Variants in ARHGEF10 observed in about 807,000 individuals in gnomAD.
The protein encoded by ARHGEF10 is Rho guanine nucleotide exchange factor (GEF) 10.
A neutral mutation model predicts 147.4 loss-of-function variants in ARHGEF10; 140 were observed. The observed-to-expected ratio is 0.95, with a 90% confidence interval of 0.83 to 1.09. The LOEUF (loss-of-function observed/expected upper bound fraction) is 1.09. ARHGEF10 is among the 50% of genes least tolerant of loss of function. ARHGEF10 has a pLI of 0.00. For missense variants in ARHGEF10, 2,222 were observed against 1,752.7 expected (o/e 1.27, Z -4.78); for synonymous variants, 902 against 695.8 (o/e 1.30, Z -4.67).
At chr8:1,926,819 G>T in intron 23 of ARHGEF10, 1 of 330,346 alleles carries the variant, frequency 3.0e-6, no homozygotes, top group South Asian at 2.8e-5. Context: ...TTTTTCCAGT[G>T]GAAACTTAGC....
chr8:1,866,754 C>A, intron 6 of ARHGEF10, 152 bp downstream of exon 6: 1 of 840,134 alleles, frequency 1.2e-6, no homozygotes, highest in South Asian at 1.5e-5. Flanking sequence ...GCTGACTGTG[C>A]AGAAGTTTCC....
chr8:1,928,765 G>T, intron 24 of ARHGEF10, 115 bp downstream of exon 24: 1 of 1,186,816 alleles, frequency 8.4e-7, no homozygotes, highest in Non-Finnish European at 1.2e-6. Flanking sequence ...GCCCGTGCAG[G>T]AATTAGGGGA....
rs771268205 is a variant in ARHGEF10 at position 1,828,010 on chromosome 8, G to A, written c.-48+3897G>A. On this transcript the variant is annotated intron_variant, in intron 1 of 28. Coordinates refer to ENST00000349830, the MANE Select transcript of ARHGEF10 (RefSeq NM_014629.4). The stretch of plus-strand genomic sequence containing the variant: ...CTAGTTACCAATCTGGCCATTCTAG[G>A]TTCCAATATCTTAATGACCGTCAGT... Among the ~76,000 whole-genome samples, 3 of 152,296 alleles carry A rather than the reference G, an allele frequency of 2.0e-5. No individual in the cohort carries two copies. The South Asian group carries it at 6.2e-4, about 32-fold the overall frequency.
chr8:1,888,229 A>ATG (rs1808933011), intron 11 of ARHGEF10, among the ~76,000 whole-genome samples: 1 of 56,960 alleles, frequency 1.8e-5, no homozygotes, highest in African/African-American at 7.8e-5. Flanking sequence ...TTGCGAGGAG[A>ATG]CAGTGAGTGT....
chr8:1,828,542 T>TA (rs1268028343), intron 1 of ARHGEF10, among the ~76,000 whole-genome samples: 4 of 147,088 alleles, frequency 2.7e-5, no homozygotes, highest in African/African-American at 7.6e-5. Context: ...CATGCACACT[T>TA]ACTGTTTTAA....
rs980757097 is a variant in ARHGEF10, at chr8:1,939,570, A to G, written c.3222+5628A>G. Among the ~76,000 whole-genome samples, 81 of 152,246 alleles carry G rather than the reference A, an allele frequency of 5.3e-4. 1 individual carries two copies. Among genetic ancestry groups the G allele is most frequent in the African/African-American group, 1.8e-3 (74 of 41,480 alleles). On this transcript the variant is annotated intron_variant, in intron 26 of 28. Transcript: ENST00000349830. ...ACGGCAGCAGCAAAGCGTCAAGCCA[A>G]GCATGCGTCCCTGCAGGCACAGGGC...
At chr8:1,929,470 C>A (rs771971499) in intron 25 of ARHGEF10, 27 bp downstream of exon 25, 5 of 1,588,914 alleles carry the variant, frequency 3.1e-6, no homozygotes, top group Non-Finnish European at 4.3e-6. Context: ...GGCCTCCTGG[C>A]CGGTCCTTGG....
chr8:1,873,947 C>T (rs1354148986), intron 7 of ARHGEF10, among the ~76,000 whole-genome samples: 9 of 152,148 alleles, frequency 5.9e-5, no homozygotes, highest in East Asian at 1.9e-4. Context: ...TAGGTACGCT[C>T]ACTGTACAGC....
At chr8:1,844,047 C>T (rs543888306) in intron 2 of ARHGEF10, among the ~76,000 whole-genome samples, 32 of 152,232 alleles carry the variant, frequency 2.1e-4, no homozygotes, top group Admixed American at 6.5e-4. Context: ...CATGGCAGGT[C>T]GTCTGCAGGG....
intron 11 of ARHGEF10, among the ~76,000 whole-genome samples, chr8:1,887,743 T>TC (rs1406945943): frequency 7.4e-6 from 1 of 134,538 alleles, no homozygotes; most frequent in African/African-American, 2.9e-5. Context: ...GGGATGAGGG[T>TC]TTTGAGGAGA....
At chr8:1,902,377 CTG>C (rs1491104568) in intron 15 of ARHGEF10, among the ~76,000 whole-genome samples, 1 of 152,152 alleles carries the variant, frequency 6.6e-6, no homozygotes, top group African/African-American at 2.4e-5. Context: ...AACGTTTATC[CTG>C]TGATTGGCAG....
chr8:1,889,484 G>A (rs1455622326), intron 11 of ARHGEF10, among the ~76,000 whole-genome samples: 2 of 62,896 alleles, frequency 3.2e-5, no homozygotes, highest in African/African-American at 1.8e-4. Flanking sequence ...ACACTGAGTG[G>A]GGTGAGGGGT....
At chr8:1,868,188 G>C (rs1806779909) in intron 6 of ARHGEF10, among the ~76,000 whole-genome samples, 1 of 152,144 alleles carries the variant, frequency 6.6e-6, no homozygotes, top group African/African-American at 2.4e-5. Context: ...TGTAATACTG[G>C]AGCTTGACAA....
chr8:1,915,561 C>T (rs925568847), intron 18 of ARHGEF10, among the ~76,000 whole-genome samples: 5 of 152,246 alleles, frequency 3.3e-5, no homozygotes, highest in African/African-American at 7.2e-5. Context: ...CAGCATCACA[C>T]GTGCTTTCAG....
intron 1 of ARHGEF10, among the ~76,000 whole-genome samples, chr8:1,826,446 G>A (rs1183152673): frequency 4.0e-5 from 6 of 151,796 alleles, no homozygotes; most frequent in African/African-American, 1.5e-4. Flanking sequence ...GTGTGTGTGC[G>A]CGTGTGTGAG....
chr8:1,859,131 C>T (rs77783186), intron 3 of ARHGEF10, among the ~76,000 whole-genome samples: 27 of 138,044 alleles, frequency 2.0e-4, no homozygotes, highest in East Asian at 4.5e-4. Context: ...TCTTTGTGCG[C>T]AGCACGCGCC....
At chr8:1,838,064 G>C (rs1293164609) in intron 1 of ARHGEF10, among the ~76,000 whole-genome samples, 1 of 152,112 alleles carries the variant, frequency 6.6e-6, no homozygotes, top group African/African-American at 2.4e-5. Flanking sequence ...TCTCCTCTTC[G>C]TATGGTGGAT....
intron 11 of ARHGEF10, among the ~76,000 whole-genome samples, chr8:1,892,689 C>T (rs1335465293): frequency 2.1e-3 from 4 of 1,932 alleles, no homozygotes; most frequent in African/African-American, 4.9e-3. Context: ...TTATCTTGCA[C>T]ATATATGGGG....
At chr8:1,925,105 A>C (rs1812584802) in intron 21 of ARHGEF10, among the ~76,000 whole-genome samples, 178 bp from the exon 22 acceptor site, 1 of 152,222 alleles carries the variant, frequency 6.6e-6, no homozygotes, top group African/African-American at 2.4e-5. Context: ...AATGCCACGA[A>C]TATACAGCCT....
Sources: gnomAD v4.1 joint callset for allele counts (sites outside exome capture counted in the v4.1 genomes callset) on GRCh38, gnomAD v4.1.1 for gene constraint, MANE v1.5 for transcripts, NCBI Gene and HGNC (gene_info 2026-07-23, HGNC 2026-07-21) for gene names.